FGF14: variants seen among roughly 807,000 people sequenced by gnomAD.
FGF14 encodes the protein fibroblast growth factor homologous factor 4.
In FGF14, 5 loss-of-function variants were observed where a neutral mutation model predicts 25.5. The observed-to-expected ratio is 0.20, with a 90% CI of 0.10 to 0.41. FGF14 has a LOEUF of 0.41. Among genes scored for constraint, FGF14 ranks in the 10% least tolerant of loss-of-function variants. The probability of loss-of-function intolerance (pLI) is 1.00; values close to 1 mark genes in which losing one functional copy is unlikely to be tolerated. For missense variants in FGF14, 222 were observed against 320.1 expected, an observed-to-expected ratio of 0.69 and a Z score of 2.34; for synonymous variants, 138 against 118.3, an observed-to-expected ratio of 1.17 and a Z score of -1.08.
intron 1 of FGF14, among the ~76,000 whole-genome samples, chr13:101,949,988 A>T (rs903883816): frequency 6.6e-6 from 1 of 152,052 alleles, no homozygotes; most frequent in Non-Finnish European, 1.5e-5. Flanking sequence ...GTGATGAGGC[A>T]AGTTTTCTTT....
intron 1 of FGF14, among the ~76,000 whole-genome samples, chr13:102,143,268 C>G (rs2046719988): frequency 6.6e-6 from 1 of 152,024 alleles, no homozygotes; most frequent in Non-Finnish European, 1.5e-5. Context: ...ATGGTTTTCA[C>G]AAGTATGGGG....
chr13:102,063,021 G>A (rs1723624233), intron 1 of FGF14, among the ~76,000 whole-genome samples: 1 of 152,136 alleles, frequency 6.6e-6, no homozygotes, highest in Non-Finnish European at 1.5e-5. Flanking sequence ...GGTATTTGTT[G>A]CTGTTGCACT....
intron 1 of FGF14, among the ~76,000 whole-genome samples, chr13:101,932,896 T>G (rs1377693157): frequency 6.6e-6 from 1 of 152,114 alleles, no homozygotes; most frequent in Non-Finnish European, 1.5e-5. Context: ...ATTCAATGAA[T>G]TTTGAGATCA....
Position 102,160,469 on chromosome 13 carries a change from C to T in FGF14, c.208+241002G>A, listed in dbSNP as rs953932097. Among the ~76,000 whole-genome samples the T allele has an allele frequency of 5.3e-5, 8 of 152,272 alleles. No homozygotes were observed. In the East Asian group the frequency reaches 7.7e-4, roughly 15 times the overall value. ...TCTAAGCCTGATCTTCTCACACACC[C>T]GGCTCTCTGCCCCGACCCTTCGTCT... On this transcript the variant is annotated intron_variant, in intron 1 of 4. Transcript: ENST00000376131.
At chr13:101,861,943 CTTGT>C (rs1416648110) in intron 3 of FGF14, among the ~76,000 whole-genome samples, 1 of 152,074 alleles carries the variant, frequency 6.6e-6, no homozygotes, top group Non-Finnish European at 1.5e-5. Flanking sequence ...TAGCGGTTTT[CTTGT>C]TTGTTTGTTC....
intron 1 of FGF14, among the ~76,000 whole-genome samples, chr13:102,363,273 A>G (rs921167216): frequency 1.3e-5 from 2 of 152,206 alleles, no homozygotes; most frequent in Non-Finnish European, 2.9e-5. Context: ...TAGAGTTGCT[A>G]ATTTATTTAT....
intron 1 of FGF14, among the ~76,000 whole-genome samples, chr13:101,963,190 C>A (rs1468032375): frequency 6.6e-6 from 1 of 152,202 alleles, no homozygotes; most frequent in Non-Finnish European, 1.5e-5. Flanking sequence ...TTTCTAAGGA[C>A]CATTGCTCCA....
chr13:101,903,287 T>A (rs780237287), intron 1 of FGF14, among the ~76,000 whole-genome samples: 43 of 152,066 alleles, frequency 2.8e-4, no homozygotes, highest in South Asian at 2.5e-3. Flanking sequence ...TAGACCTCTT[T>A]TCCTAGGCTT....
Position 101,729,349 on chromosome 13 carries a change from A to G in FGF14, c.409-2539T>C, listed in dbSNP as rs75380227. Among the ~76,000 whole-genome samples the G allele has an allele frequency of 1.8e-4, 28 of 152,306 alleles. No individual in the cohort carries two copies. In the East Asian group the frequency reaches 5.4e-3, roughly 29 times the overall value. On this transcript the variant is annotated intron_variant, in intron 3 of 4. Transcript: ENST00000376143. ...CTGTTCCTCCAATATTGAAGTCTCA[A>G]ATAATCCCAGCATTTCCTATAGAAC...
intron 1 of FGF14, among the ~76,000 whole-genome samples, chr13:102,118,546 T>C (rs1294800180): frequency 6.6e-6 from 1 of 152,110 alleles, no homozygotes; most frequent in African/African-American, 2.4e-5. Context: ...GCCTGAGACA[T>C]ATTGTGCCAG....
Position 101,719,001 on chromosome 13 carries a change from C to T in FGF14, c.*3830G>A, listed in dbSNP as rs187966472. 1.3e-5 allele frequency: 2 copies of T among 152,142 alleles called. No homozygotes were observed. Among genetic ancestry groups the T allele is most frequent in the Admixed American group, 1.3e-4 (2 of 15,272 alleles). The allele number at this position is 152,142 out of a possible 1,614,324, so 9.4% of individuals were successfully genotyped here. On this transcript the variant is annotated 3_prime_UTR_variant, in exon 5 of 5. Coordinates refer to ENST00000376143, the MANE Select transcript of FGF14 (RefSeq NM_004115.4). ...GGAAAAAAAAATTGAGGATTTAGCC[C>T]AGTCGCTTTCCCTTGATATAGCCTT...
At chr13:101,760,299 T>C (rs2139899723) in intron 3 of FGF14, among the ~76,000 whole-genome samples, 1 of 152,312 alleles carries the variant, frequency 6.6e-6, no homozygotes, top group South Asian at 2.1e-4. Context: ...CGTTCACTGC[T>C]TCCTGTCTAG....
chr13:102,105,462 A>G (rs924489509), intron 1 of FGF14, among the ~76,000 whole-genome samples: 1 of 152,102 alleles, frequency 6.6e-6, no homozygotes, highest in South Asian at 2.1e-4. Flanking sequence ...AAAATGGGGG[A>G]AAAATCTAGC....
At chr13:102,158,043 AG>A (rs1594196244) in intron 1 of FGF14, among the ~76,000 whole-genome samples, 1 of 152,226 alleles carries the variant, frequency 6.6e-6, no homozygotes, top group East Asian at 1.9e-4. Flanking sequence ...GAGGATGTGG[AG>A]AAATAGGAAT....
chr13:102,014,221 TATA>T (rs898174451), intron 1 of FGF14, among the ~76,000 whole-genome samples: 9 of 151,838 alleles, frequency 5.9e-5, no homozygotes, highest in Non-Finnish European at 1.3e-4. Context: ...AAACTTAAAG[TATA>T]ATAATAATAA....
chr13:101,710,994 G>T lies in FGF14; in HGVS notation c.*11837C>A, dbSNP rs1438279060. The stretch of plus-strand genomic sequence containing the variant: ...TTGTCAGGCTTGAATGAAAAAGAAA[G>T]TCCAACATTAGTAATGGAATGGGCA... On this transcript the variant is annotated 3_prime_UTR_variant, in exon 5 of 5. Coordinates refer to ENST00000376143, the MANE Select transcript of FGF14 (RefSeq NM_004115.4). 6.6e-6 allele frequency: 1 copy of T among 152,202 alleles called. No homozygotes were observed. The highest frequency in any genetic ancestry group is 6.5e-5 in the Admixed American group (1 of 15,280). The allele number at this position is 152,202 out of a possible 1,614,324, so 9.4% of individuals were successfully genotyped here. A position where few individuals can be genotyped will look rare whatever the true frequency, so the allele number is the denominator to read the frequency against.
chr13:102,283,798 G>T (rs72647458), intron 1 of FGF14, among the ~76,000 whole-genome samples: 28,954 of 152,004 alleles, frequency 0.19, 3,266 homozygotes, highest in Admixed American at 0.32. Flanking sequence ...CTTAAATTCA[G>T]GTCTGCCACT....
chr13:101,845,703 C>T (rs9518580), intron 3 of FGF14, among the ~76,000 whole-genome samples: 19,104 of 151,842 alleles, frequency 0.13, 1,438 homozygotes, highest in East Asian at 0.33. Context: ...GCACCAGAGG[C>T]GTAAATGAGG....
intron 1 of FGF14, among the ~76,000 whole-genome samples, chr13:101,962,719 T>C (rs1473991924): frequency 6.6e-6 from 1 of 152,238 alleles, no homozygotes; most frequent in Non-Finnish European, 1.5e-5. Context: ...TTGTGATAAC[T>C]TCATGACAGT....
Sources: allele counts gnomAD v4.1 joint callset (sites outside exome capture counted in the v4.1 genomes callset), GRCh38; gene constraint gnomAD v4.1.1; transcripts MANE v1.5; gene names NCBI Gene and HGNC (gene_info 2026-07-23, HGNC 2026-07-21).